The following DLGAP2 variants were observed in gnomAD, a reference collection of about 807,000 sequenced individuals.
DLGAP2 encodes DLG associated protein 2.
DLGAP2 carries 26 observed loss-of-function variants against 100.3 expected under a neutral mutation model. That is an observed-to-expected ratio of 0.26 (90% CI 0.19 to 0.36). The LOEUF is 0.36. Among genes scored for constraint, DLGAP2 ranks in the 10% least tolerant of loss-of-function variants. The probability of loss-of-function intolerance (pLI) is 1.00; values close to 1 mark genes in which losing one functional copy is unlikely to be tolerated. For missense variants in DLGAP2, 1,858 were observed against 1,453.2 expected (o/e 1.28, Z -4.53); for synonymous variants, 886 against 630.1 (o/e 1.41, Z -6.08).
chr8:1,588,026 C>T (rs754074180), intron 6 of DLGAP2, among the ~76,000 whole-genome samples: 8 of 152,154 alleles, frequency 5.3e-5, no homozygotes, highest in Non-Finnish European at 1.0e-4. Context: ...GAGTTCATCA[C>T]GTGACTCCTA....
chr8:1,237,447 G>T (rs1395940014), intron 2 of DLGAP2, among the ~76,000 whole-genome samples: 5 of 141,316 alleles, frequency 3.5e-5, no homozygotes, highest in Admixed American at 7.0e-5. Context: ...ACATGGCGCC[G>T]TGTCTAGTTA....
chr8:802,199 C>T (rs544372152), intron 1 of DLGAP2, among the ~76,000 whole-genome samples: 7 of 150,288 alleles, frequency 4.7e-5, no homozygotes, highest in Middle Eastern at 3.5e-3. Context: ...ATGGTCTGCA[C>T]TCCTCCTGGG....
At chr8:846,704 C>A (rs946095693) in intron 1 of DLGAP2, among the ~76,000 whole-genome samples, 2 of 152,068 alleles carry the variant, frequency 1.3e-5, no homozygotes, top group Admixed American at 6.6e-5. Flanking sequence ...TTTTTAGGAA[C>A]CTTGATACTG....
At chr8:1,466,661 G>A (rs1798634824) in intron 3 of DLGAP2, among the ~76,000 whole-genome samples, 1 of 152,132 alleles carries the variant, frequency 6.6e-6, no homozygotes, top group African/African-American at 2.4e-5. Flanking sequence ...TTAAAGAGCT[G>A]CTGCTATTTC....
At chr8:1,029,917 T>A (rs907076992) in intron 2 of DLGAP2, among the ~76,000 whole-genome samples, 2 of 151,922 alleles carry the variant, frequency 1.3e-5, no homozygotes, top group African/African-American at 4.8e-5. Flanking sequence ...ATGTGGGCAA[T>A]GTGGAAAAGG....
intron 2 of DLGAP2, among the ~76,000 whole-genome samples, chr8:1,079,561 C>T (rs1803731553): frequency 6.6e-6 from 1 of 152,194 alleles, no homozygotes; most frequent in African/African-American, 2.4e-5. Context: ...CGTCATACAG[C>T]TATGCTCCCC....
chr8:875,349 A>G (rs555087284), intron 1 of DLGAP2, among the ~76,000 whole-genome samples: 1 of 152,236 alleles, frequency 6.6e-6, no homozygotes, highest in South Asian at 2.1e-4. Context: ...CTCATCTTGA[A>G]TTGTGGTTCC....
intron 2 of DLGAP2, among the ~76,000 whole-genome samples, chr8:961,734 G>A (rs1020431438): frequency 6.6e-6 from 1 of 152,158 alleles, no homozygotes; most frequent in African/African-American, 2.4e-5. Flanking sequence ...TGGGAGATAT[G>A]AAAGAAATTT....
At chr8:1,686,372 C>G (rs530012153) in intron 12 of DLGAP2, among the ~76,000 whole-genome samples, 1 of 152,316 alleles carries the variant, frequency 6.6e-6, no homozygotes, top group African/African-American at 2.4e-5. Context: ...TAATCTCACT[C>G]TGATGTAGAG....
At chr8:837,980 G>C (rs1796913254) in intron 1 of DLGAP2, among the ~76,000 whole-genome samples, 1 of 151,110 alleles carries the variant, frequency 6.6e-6, no homozygotes, top group Admixed American at 6.6e-5. Flanking sequence ...GCCTGCCTTG[G>C]CCTCCCAAAG....
At chr8:1,513,688 T>G (rs1800259623) in intron 4 of DLGAP2, among the ~76,000 whole-genome samples, 1 of 152,202 alleles carries the variant, frequency 6.6e-6, no homozygotes. Context: ...AGTAAAAGCT[T>G]CCTAATCATA....
intron 2 of DLGAP2, among the ~76,000 whole-genome samples, chr8:913,521 G>A (rs1798531540): frequency 6.6e-6 from 1 of 152,186 alleles, no homozygotes. Context: ...TGTGGCATAG[G>A]ATTCCTAAAG....
intron 3 of DLGAP2, among the ~76,000 whole-genome samples, chr8:1,432,917 C>T (rs73172536): frequency 0.21 from 32,311 of 152,086 alleles, 3,854 homozygotes; most frequent in Middle Eastern, 0.29. Context: ...CTGGGAATGG[C>T]GAGCATCGAG....
chr8:996,165 G>T (rs2174099), intron 2 of DLGAP2, among the ~76,000 whole-genome samples: 2 of 152,062 alleles, frequency 1.3e-5, no homozygotes, highest in Non-Finnish European at 2.9e-5. Context: ...CCAGAGCTGA[G>T]AGAGGACTCA....
At chr8:1,507,462 C>A (rs368643039) in intron 4 of DLGAP2, among the ~76,000 whole-genome samples, 1 of 152,168 alleles carries the variant, frequency 6.6e-6, no homozygotes, top group African/African-American at 2.4e-5. Flanking sequence ...CCGCGGAGCC[C>A]GCGCCCACCC....
At position 1,349,195 on chromosome 8, in the gene DLGAP2, C is replaced by T. The variant is rs73670779; in HGVS notation, c.106+90312C>T. On this transcript the variant is annotated intron_variant, in intron 3 of 14. Transcript: ENST00000637795. ...CTTTACAAAACACAGCTGTGTCGTACGCTCACATTAAATATTAAAATGTGG... is the reference window on the plus strand; with the variant it reads ...CTTTACAAAACACAGCTGTGTCGTATGCTCACATTAAATATTAAAATGTGG... 8.0e-4 allele frequency among the ~76,000 whole-genome samples: 120 copies of T among 150,792 alleles called. 1 individual carries two copies. Among genetic ancestry groups the T allele is most frequent in the African/African-American group, 2.8e-3 (113 of 41,086 alleles).
intron 6 of DLGAP2, among the ~76,000 whole-genome samples, chr8:1,603,973 C>T (rs528659523): frequency 1.3e-5 from 2 of 152,230 alleles, no homozygotes; most frequent in South Asian, 4.1e-4. Flanking sequence ...TCCCCACATA[C>T]CCCAGCCACC....
At chr8:974,591 A>AAG (rs766699541) in intron 2 of DLGAP2, among the ~76,000 whole-genome samples, 1 of 152,242 alleles carries the variant, frequency 6.6e-6, no homozygotes, top group Non-Finnish European at 1.5e-5. Flanking sequence ...TAGTAACAGA[A>AAG]AGATAGCCAG....
At chr8:1,377,678 G>A (rs1418019429) in intron 3 of DLGAP2, among the ~76,000 whole-genome samples, 2 of 152,232 alleles carry the variant, frequency 1.3e-5, no homozygotes, top group African/African-American at 4.8e-5. Context: ...GGCCTTGCCA[G>A]CGTGGGGGTC....
Sources: allele counts gnomAD v4.1 joint callset (sites outside exome capture counted in the v4.1 genomes callset), GRCh38; gene constraint gnomAD v4.1.1; transcripts MANE v1.5; gene names NCBI Gene and HGNC (gene_info 2026-07-23, HGNC 2026-07-21).